CACNA2D3: variants seen among roughly 807,000 people sequenced by gnomAD.
The protein encoded by CACNA2D3 is voltage-dependent calcium channel subunit alpha-2/delta-3.
In CACNA2D3, 60 loss-of-function variants were observed where a neutral mutation model predicts 160.6. The ratio of observed to expected loss-of-function variants is 0.37; its 90% CI spans 0.30 to 0.46. CACNA2D3 has a LOEUF of 0.46. Among genes scored for constraint, CACNA2D3 ranks in the 20% least tolerant of loss-of-function variants. CACNA2D3 has a pLI of 1.00. For missense variants in CACNA2D3, 1,205 were observed against 1,365.0 expected (o/e 0.88, Z 1.85); for synonymous variants, 558 against 492.9 (o/e 1.13, Z -1.75).
Position 54,512,643 on chromosome 3 carries a change from G to A in CACNA2D3, c.544+8989G>A, listed in dbSNP as rs187606436. On this transcript the variant is annotated intron_variant, in intron 5 of 37. Transcript: ENST00000474759. Reference sequence around the variant, plus strand: ...GAGGCTGACAAGCACCCTGGCAGGTGGCTCAGTCTTTGATACCTGCACCTG... The same window carrying A: ...GAGGCTGACAAGCACCCTGGCAGGTAGCTCAGTCTTTGATACCTGCACCTG... Among the ~76,000 whole-genome samples the A allele has an allele frequency of 2.5e-3, 385 of 152,258 alleles. 3 individuals carry two copies. The highest frequency in any genetic ancestry group is 4.0e-3 in the Non-Finnish European group (271 of 68,018).
At chr3:54,239,647 G>C (rs1165844370) in intron 2 of CACNA2D3, among the ~76,000 whole-genome samples, 2 of 152,204 alleles carry the variant, frequency 1.3e-5, no homozygotes, top group Non-Finnish European at 2.9e-5. Context: ...CCATGGTTCA[G>C]AATCATCACT....
rs1700165404 is a variant in CACNA2D3 at position 54,671,686 on chromosome 3, C to T, written c.1167+29445C>T. ...GAATGGGGGATCTTTTGGGCTCTCT[C>T]CCAGCAGAATTATGCAATAGTCCAT... is the stretch of plus-strand genomic sequence containing the variant. On this transcript the variant is annotated intron_variant, in intron 11 of 37. Transcript: ENST00000474759. 2.0e-5 allele frequency among the ~76,000 whole-genome samples: 3 copies of T among 152,230 alleles called. No homozygotes were observed. In the South Asian group the frequency reaches 6.2e-4, roughly 32 times the overall value.
intron 29 of CACNA2D3, among the ~76,000 whole-genome samples, chr3:54,975,406 C>T (rs1405474369): frequency 6.6e-6 from 1 of 151,482 alleles, no homozygotes; most frequent in Non-Finnish European, 1.5e-5. Flanking sequence ...GTAGTCTCAG[C>T]TACTCAGGAG....
At chr3:54,976,480 A>T (rs1481606670) in intron 29 of CACNA2D3, among the ~76,000 whole-genome samples, 3 of 152,060 alleles carry the variant, frequency 2.0e-5, no homozygotes, top group African/African-American at 7.2e-5. Flanking sequence ...CTTAAAGTAT[A>T]ATAATAATAA....
chr3:54,231,616 C>G (rs553640372), intron 2 of CACNA2D3, among the ~76,000 whole-genome samples: 15 of 152,280 alleles, frequency 9.9e-5, no homozygotes, highest in Admixed American at 9.1e-4. Flanking sequence ...TGCTAGAATG[C>G]CACCTTGCAT....
chr3:54,987,199 A>G (rs956897246), intron 30 of CACNA2D3, among the ~76,000 whole-genome samples: 9 of 152,180 alleles, frequency 5.9e-5, no homozygotes, highest in African/African-American at 1.7e-4. Context: ...GAAAGGGTGG[A>G]TTCTCAACTG....
intron 2 of CACNA2D3, among the ~76,000 whole-genome samples, chr3:54,285,979 A>G (rs369991019): frequency 6.6e-6 from 1 of 152,230 alleles, no homozygotes; most frequent in South Asian, 2.1e-4. Flanking sequence ...AAGATGGGGA[A>G]AAAACAGAGC....
At chr3:54,705,473 GT>G (rs1559554268) in intron 11 of CACNA2D3, among the ~76,000 whole-genome samples, 1 of 152,182 alleles carries the variant, frequency 6.6e-6, no homozygotes, top group Non-Finnish European at 1.5e-5. Context: ...GTTCTCACAG[GT>G]TTTTTCTTGT....
intron 27 of CACNA2D3, among the ~76,000 whole-genome samples, chr3:54,922,733 C>T (rs1195960118): frequency 6.6e-6 from 1 of 152,132 alleles, no homozygotes; most frequent in Non-Finnish European, 1.5e-5. Flanking sequence ...AACTCAACGA[C>T]TCCCCATGGA....
chr3:54,331,164 G>T (rs1704243672), intron 3 of CACNA2D3, among the ~76,000 whole-genome samples: 1 of 152,128 alleles, frequency 6.6e-6, no homozygotes, highest in South Asian at 2.1e-4. Flanking sequence ...CTTGGTCTGT[G>T]TGGGCTTTAA....
At chr3:55,031,696 G>C (rs956707393) in intron 35 of CACNA2D3, among the ~76,000 whole-genome samples, 12 of 152,066 alleles carry the variant, frequency 7.9e-5, no homozygotes, top group African/African-American at 2.4e-4. Context: ...TATGTTGTTC[G>C]TGCCTTGGAA....
intron 5 of CACNA2D3, among the ~76,000 whole-genome samples, chr3:54,561,557 A>T (rs1201233658): frequency 2.0e-5 from 3 of 152,184 alleles, no homozygotes; most frequent in Non-Finnish European, 4.4e-5. Context: ...TCCTATTTGA[A>T]TGCCCTTTAT....
chr3:54,800,853 T>C (rs1358211427), intron 13 of CACNA2D3, among the ~76,000 whole-genome samples: 1 of 152,206 alleles, frequency 6.6e-6, no homozygotes, highest in East Asian at 1.9e-4. Flanking sequence ...TGGTGCTCTT[T>C]GTAGACCTGT....
chr3:54,623,025 G>A (rs1359799704), intron 9 of CACNA2D3, among the ~76,000 whole-genome samples: 2 of 152,234 alleles, frequency 1.3e-5, no homozygotes, highest in South Asian at 4.1e-4. Flanking sequence ...AAGCTTTCAC[G>A]AGGTATGGTC....
intron 13 of CACNA2D3, among the ~76,000 whole-genome samples, chr3:54,790,234 A>T (rs958720210): frequency 4.6e-5 from 7 of 152,056 alleles, no homozygotes; most frequent in Non-Finnish European, 1.5e-5. Context: ...ATAATGATAG[A>T]TACTGCCTGG....
chr3:54,459,794 A>G (rs1397166958), intron 4 of CACNA2D3, among the ~76,000 whole-genome samples: 1 of 152,090 alleles, frequency 6.6e-6, no homozygotes, highest in Non-Finnish European at 1.5e-5. Flanking sequence ...CCATTTGTCA[A>G]TTTTGGCTTT....
intron 4 of CACNA2D3, among the ~76,000 whole-genome samples, chr3:54,500,489 C>A (rs1053690270): frequency 3.4e-5 from 5 of 148,906 alleles, no homozygotes; most frequent in Non-Finnish European, 7.4e-5. Context: ...TCCTTCCTAT[C>A]TTCCTTCCTT....
chr3:54,347,036 T>C (rs1698471708), intron 3 of CACNA2D3, among the ~76,000 whole-genome samples: 1 of 152,258 alleles, frequency 6.6e-6, no homozygotes, highest in African/African-American at 2.4e-5. Flanking sequence ...CTGTGAAGGT[T>C]ACAAATGCGA....
At chr3:54,832,939 G>A (rs963483362) in intron 14 of CACNA2D3, among the ~76,000 whole-genome samples, 1 of 152,192 alleles carries the variant, frequency 6.6e-6, no homozygotes, top group Non-Finnish European at 1.5e-5. Context: ...ACTCTCTGGG[G>A]TCATGCCCTA....
Sources: gnomAD v4.1 joint callset for allele counts (sites outside exome capture counted in the v4.1 genomes callset) on GRCh38, gnomAD v4.1.1 for gene constraint, MANE v1.5 for transcripts, NCBI Gene and HGNC (gene_info 2026-07-23, HGNC 2026-07-21) for gene names.